TLL1: variants seen among roughly 807,000 people sequenced by gnomAD.
TLL1 encodes the protein tolloid like 1, also known as tolloid-like protein 1.
TLL1 carries 49 observed loss-of-function variants against 128.2 expected under a neutral mutation model. That is an observed-to-expected ratio of 0.38 (90% confidence interval 0.30 to 0.48). The LOEUF (loss-of-function observed/expected upper bound fraction) is 0.48, where lower values mean the gene tolerates loss of function less well. Ranked by LOEUF, TLL1 falls within the 20% of genes least tolerant of loss-of-function variation. The probability of loss-of-function intolerance (pLI) is 0.96; values close to 1 mark genes in which losing one functional copy is unlikely to be tolerated. For missense variants in TLL1, 1,123 were observed against 1,242.0 expected, an observed-to-expected ratio of 0.90 and a Z score of 1.44; for synonymous variants, 454 against 418.8, an observed-to-expected ratio of 1.08 and a Z score of -1.03.
intron 12 of TLL1, among the ~76,000 whole-genome samples, chr4:166,050,631 G>C (rs112945352): frequency 2.9e-4 from 44 of 152,212 alleles, no homozygotes; most frequent in African/African-American, 1.0e-3. Context: ...TGGAAATTTG[G>C]TTATCAAATG....
chr4:165,951,870 TTGA>T (rs939633690), intron 1 of TLL1, among the ~76,000 whole-genome samples: 2 of 152,150 alleles, frequency 1.3e-5, no homozygotes, highest in Admixed American at 1.3e-4. Flanking sequence ...ATTGTAGTTG[TTGA>T]TAATTTTTTT....
rs569295770 is a variant in TLL1, at chr4:165,944,232, C to A, written c.170-45149C>A. Reference sequence around the variant, plus strand: ...GTCTAAATTATTTGTCTTCTCTGACCTACATGGTAGACTTTGAAGACCTGG... The same window carrying A: ...GTCTAAATTATTTGTCTTCTCTGACATACATGGTAGACTTTGAAGACCTGG... On this transcript the variant is annotated intron_variant, in intron 1 of 20. Transcript: ENST00000061240. Among the ~76,000 whole-genome samples the A allele has an allele frequency of 1.1e-4, 17 of 152,204 alleles. No homozygotes were observed. The East Asian group carries it at 3.3e-3, about 29-fold the overall frequency.
intron 1 of TLL1, among the ~76,000 whole-genome samples, chr4:165,976,944 A>G (rs978087892): frequency 1.3e-5 from 2 of 152,220 alleles, no homozygotes; most frequent in South Asian, 4.1e-4. Context: ...CATCATCTAT[A>G]GTTAGTGTTA....
At chr4:165,950,596 CAGA>C (rs1734464953) in intron 1 of TLL1, among the ~76,000 whole-genome samples, 2 of 151,756 alleles carry the variant, frequency 1.3e-5, no homozygotes, top group Non-Finnish European at 2.9e-5. Flanking sequence ...AAGTTGACAA[CAGA>C]AGGATATGTT....
intron 1 of TLL1, among the ~76,000 whole-genome samples, chr4:165,882,954 T>C (rs1454921098): frequency 6.6e-6 from 1 of 151,914 alleles, no homozygotes; most frequent in Non-Finnish European, 1.5e-5. Flanking sequence ...AGATACGTGT[T>C]CGAGGATGAA....
At chr4:166,043,239 G>C (rs1341065752) in intron 11 of TLL1, 35 bp from the exon 12 acceptor site, 26 of 1,613,600 alleles carry the variant, frequency 1.6e-5, no homozygotes, top group Non-Finnish European at 2.1e-5. Flanking sequence ...GCATGTCCAG[G>C]CTTAGTTATT....
rs200670221 is a variant in TLL1 at position 166,065,756 on chromosome 4, G to A, written c.2081G>A (p.Gly694Asp). 47 of 1,612,930 alleles carry A rather than the reference G, an allele frequency of 2.9e-5. No homozygotes were observed. Among genetic ancestry groups the A allele is most frequent in the African/African-American group, 4.0e-5 (3 of 74,774 alleles). Residue 694 changes from glycine (G) to aspartate (D), a missense_variant, in exon 16 of 21, where the codon GGC becomes GAC. By Grantham distance (94) the Gly-to-Asp change is moderately conservative. Transcript: ENST00000061240. ...SESKLHGKFC[G>D]AEVPEVITSQ... ...TCTAAACTGCATGGCAAATTCTGTG[G>A]CGCTGAAGTGCCTGAAGTGATCACA... is the stretch of plus-strand genomic sequence containing the variant.
chr4:166,025,480 A>T (rs1738454620), intron 9 of TLL1, 49 bp downstream of exon 9: 3 of 1,361,916 alleles, frequency 2.2e-6, no homozygotes, highest in African/African-American at 1.4e-5. Flanking sequence ...TAAGTACAAA[A>T]GTTCATCATC....
chr4:165,967,105 A>G (rs1244627750), intron 1 of TLL1, among the ~76,000 whole-genome samples: 1 of 152,174 alleles, frequency 6.6e-6, no homozygotes, highest in Non-Finnish European at 1.5e-5. Context: ...GCTGAGAAAA[A>G]GAATTCAGCG....
intron 1 of TLL1, among the ~76,000 whole-genome samples, chr4:165,918,324 A>G (rs1732877195): frequency 6.6e-6 from 1 of 152,220 alleles, no homozygotes; most frequent in African/African-American, 2.4e-5. Flanking sequence ...GAACACTTAC[A>G]GGCTAAGAAT....
At chr4:165,957,628 C>A (rs1465280282) in intron 1 of TLL1, among the ~76,000 whole-genome samples, 2 of 151,232 alleles carry the variant, frequency 1.3e-5, no homozygotes, top group African/African-American at 4.9e-5. Context: ...TACACTGCAC[C>A]ATATTTGTAG....
At chr4:165,995,785 C>T (rs534451926) in intron 5 of TLL1, among the ~76,000 whole-genome samples, 2 of 152,180 alleles carry the variant, frequency 1.3e-5, no homozygotes, top group East Asian at 3.9e-4. Flanking sequence ...TATCTTTCTG[C>T]TTATCTAATA....
At position 165,897,914 on chromosome 4, in the gene TLL1, G is replaced by C. The variant is rs145222244; in HGVS notation, c.169+23841G>C. On this transcript the variant is annotated intron_variant, in intron 1 of 20. Coordinates refer to ENST00000061240, the MANE Select transcript of TLL1 (RefSeq NM_012464.5). ...TCCTCTTTTATTTCCTTGAGAAGTG[G>C]TTTGTAGTTCTCCTTGAAGAGGTGC... Among the ~76,000 whole-genome samples, 1,083 of 152,094 alleles carry C rather than the reference G, an allele frequency of 7.1e-3. 14 individuals carry two copies. The highest frequency in any genetic ancestry group is 0.025 in the African/African-American group (1,028 of 41,482).
At chr4:165,915,181 A>G (rs558327425) in intron 1 of TLL1, among the ~76,000 whole-genome samples, 102 of 152,364 alleles carry the variant, frequency 6.7e-4, no homozygotes, top group African/African-American at 2.3e-3. Context: ...CCCATTTCAT[A>G]CATATGTACT....
chr4:166,029,337 A>T (rs1738646383), intron 9 of TLL1, among the ~76,000 whole-genome samples: 1 of 152,060 alleles, frequency 6.6e-6, no homozygotes, highest in Non-Finnish European at 1.5e-5. Context: ...ATCTTAAAAC[A>T]TATAAGATTA....
chr4:166,009,922 C>T (rs1309954584), intron 7 of TLL1, among the ~76,000 whole-genome samples: 2 of 151,276 alleles, frequency 1.3e-5, no homozygotes, highest in African/African-American at 4.8e-5. Context: ...AAACAGATGT[C>T]CATAACTTAT....
At chr4:165,947,628 G>T (rs543920994) in intron 1 of TLL1, among the ~76,000 whole-genome samples, 34 of 152,218 alleles carry the variant, frequency 2.2e-4, no homozygotes, top group African/African-American at 7.5e-4. Flanking sequence ...TCTCAAGAGA[G>T]ATTAAAAGAT....
At chr4:165,919,509 T>C (rs1009576308) in intron 1 of TLL1, among the ~76,000 whole-genome samples, 1 of 152,012 alleles carries the variant, frequency 6.6e-6, no homozygotes, top group African/African-American at 2.4e-5. Context: ...TTATAGACAA[T>C]ATAATTCATA....
intron 1 of TLL1, among the ~76,000 whole-genome samples, chr4:165,931,242 T>C (rs1186196478): frequency 1.3e-5 from 2 of 152,228 alleles, no homozygotes; most frequent in Admixed American, 6.5e-5. Context: ...TTAAAAATGA[T>C]AGAGAATAGT....
Sources: gnomAD v4.1 joint callset for allele counts (sites outside exome capture counted in the v4.1 genomes callset) on GRCh38, gnomAD v4.1.1 for gene constraint, MANE v1.5 for transcripts, NCBI Gene and HGNC (gene_info 2026-07-23, HGNC 2026-07-21) for gene names.